Variants in LXN observed in about 807,000 individuals in gnomAD.
LXN encodes latexin.
A neutral mutation model predicts 29.8 loss-of-function variants in LXN; 28 were observed. That is an observed-to-expected ratio of 0.94 (90% confidence interval 0.70 to 1.29). The LOEUF (loss-of-function observed/expected upper bound fraction) is 1.29, where lower values mean the gene tolerates loss of function less well. LXN is among the 50% of genes most tolerant of loss of function. The pLI is 0.00. For synonymous variants in LXN, 77 were observed against 89.6 expected, an observed-to-expected ratio of 0.86 and a Z score of 0.80; for missense variants, 227 against 261.7, an observed-to-expected ratio of 0.87 and a Z score of 0.92.
rs34058260 is a variant in LXN at position 158,666,674 on chromosome 3, C to T, written c.641G>A (p.Arg214His). 5.5e-3 allele frequency: 8,931 copies of T among 1,613,828 alleles called. 47 individuals are homozygous for T. The highest frequency in any genetic ancestry group is 0.011 in the Middle Eastern group (66 of 6,058). The stretch of plus-strand genomic sequence containing the variant: ...TTCCAGTTGTACTTCCTTTGGCAGA[C>T]GGCTATTATGTTTTACTTTAGTGCC... ...QYGTKVKHNS[R>H]LPKEVQLE The change falls in exon 6 of 6, where the codon CGT (arginine) becomes CAT (histidine). Residue 214 changes from arginine to histidine, a missense_variant. Physicochemically the swap from Arg to His is conservative, Grantham distance 29. Coordinates refer to ENST00000264265, the MANE Select transcript of LXN (RefSeq NM_020169.4).
chr3:158,671,064 A>C lies in LXN; in HGVS notation c.130-45T>G, dbSNP rs756376870. On this transcript the variant is annotated intron_variant, in intron 1 of 5. Coordinates refer to ENST00000264265, the MANE Select transcript of LXN (RefSeq NM_020169.4). ...GTGGAGACAAGAAAATATTATAACA[A>C]CATTATACTTGCATTGTTAGAAGTA... The C allele has an allele frequency of 2.1e-6, 3 of 1,443,204 alleles. No homozygotes were observed. The South Asian group carries it at 4.6e-5, about 22-fold the overall frequency. 89.4% of individuals were successfully genotyped at this position (1,443,204 alleles called of 1,614,324 possible). A position where few individuals can be genotyped will look rare whatever the true frequency, so the allele number is the denominator to read the frequency against.
chr3:158,670,753 T>G (rs1724206353), intron 2 of LXN, among the ~76,000 whole-genome samples: 1 of 152,076 alleles, frequency 6.6e-6, no homozygotes, highest in Non-Finnish European at 1.5e-5. Context: ...TCCTAGCACT[T>G]TGGGAGGCAG....
chr3:158,671,990 A>G (rs1489705514), intron 1 of LXN, among the ~76,000 whole-genome samples: 1 of 152,220 alleles, frequency 6.6e-6, no homozygotes, highest in Non-Finnish European at 1.5e-5. Context: ...GGTCCAGATC[A>G]GAGTAGCAGA....
intron 1 of LXN, 36 bp downstream of exon 1, chr3:158,672,314 A>C (rs368247648): frequency 2.5e-6 from 4 of 1,610,276 alleles, no homozygotes; most frequent in Non-Finnish European, 3.4e-6. Context: ...CGCAATCCTG[A>C]AGCCTCTGCT....
intron 3 of LXN, 100 bp from the exon 4 acceptor site, chr3:158,669,232 G>C: frequency 1.5e-6 from 2 of 1,333,620 alleles, no homozygotes; most frequent in Non-Finnish European, 2.1e-6. Flanking sequence ...TTCGAATGTT[G>C]TGCAAAAAAT....
Position 158,670,952 on chromosome 3 carries a change from CT to C in LXN, c.192+4del. ...TGTCTCAAAGAAAAAAGAAATTTAA[CT>C]TACTTTTTGTATAATTTCTTCAACA... On this transcript the variant is annotated splice_donor_region_variant and intron_variant, in intron 2 of 5. Coordinates refer to ENST00000264265, the MANE Select transcript of LXN (RefSeq NM_020169.4). 6.6e-7 allele frequency: 1 copy of C among 1,508,206 alleles called. No homozygotes were observed. Among genetic ancestry groups the C allele is most frequent in the Non-Finnish European group, 8.8e-7 (1 of 1,132,942 alleles). The allele number at this position is 1,508,206 out of a possible 1,614,324, so 93.4% of individuals were successfully genotyped here.
chr3:158,670,624 A>T (rs1267791498), intron 2 of LXN, among the ~76,000 whole-genome samples: 2 of 152,236 alleles, frequency 1.3e-5, no homozygotes, highest in East Asian at 1.9e-4. Flanking sequence ...ACAACTTTTT[A>T]AAAAGAGGTA....
chr3:158,671,123 G>A, intron 1 of LXN, 104 bp from the exon 2 acceptor site: 1 of 1,299,446 alleles, frequency 7.7e-7, no homozygotes, highest in Non-Finnish European at 9.9e-7. Context: ...CTGGCTGAAG[G>A]GGAATGGTGA....
At chr3:158,668,933 G>T in intron 4 of LXN, 63 bp downstream of exon 4, 1 of 1,402,034 alleles carries the variant, frequency 7.1e-7, no homozygotes, top group Non-Finnish European at 9.8e-7. Flanking sequence ...ATCCAATTAT[G>T]AATTACAATA....
At chr3:158,668,929 TTA>T in intron 4 of LXN, 65 bp downstream of exon 4, 1 of 1,381,906 alleles carries the variant, frequency 7.2e-7, no homozygotes, top group Non-Finnish European at 1.0e-6. Context: ...GTTAATCCAA[TTA>T]TGAATTACAA....
At position 158,672,605 on chromosome 3, in the gene LXN, C is replaced by G; in HGVS notation, c.-127G>C. 8.6e-7 allele frequency: 1 copy of G among 1,162,276 alleles called. No individual in the cohort carries two copies. Among genetic ancestry groups the G allele is most frequent in the South Asian group, 1.4e-5 (1 of 71,180 alleles). 72.0% of individuals were successfully genotyped at this position (1,162,276 alleles called of 1,614,324 possible). A position where few individuals can be genotyped will look rare whatever the true frequency, so the allele number is the denominator to read the frequency against. On this transcript the variant is annotated 5_prime_UTR_variant, in exon 1 of 6. Transcript: ENST00000264265. ...CGGAAAAGTCGCAAGCTCCTTCAGT[C>G]AGTCTTCTTCCTCAGCTCCTTCCGA...
At position 158,672,613 on chromosome 3, in the gene LXN, T is replaced by C. The variant is rs1437999972; in HGVS notation, c.-135A>G. The C allele has an allele frequency of 4.0e-6, 4 of 1,012,044 alleles. No homozygotes were observed. Among genetic ancestry groups the C allele is most frequent in the Non-Finnish European group, 5.7e-6 (4 of 695,756 alleles). 62.7% of individuals were successfully genotyped at this position (1,012,044 alleles called of 1,614,324 possible). The stretch of plus-strand genomic sequence containing the variant: ...TCGCAAGCTCCTTCAGTCAGTCTTC[T>C]TCCTCAGCTCCTTCCGACTCCGGAA... On this transcript the variant is annotated 5_prime_UTR_variant, in exon 1 of 6. Coordinates refer to ENST00000264265, the MANE Select transcript of LXN (RefSeq NM_020169.4).
chr3:158,667,128 TTAC>T (rs1403611535), intron 4 of LXN, 54 bp from the exon 5 acceptor site: 1 of 1,476,292 alleles, frequency 6.8e-7, no homozygotes, highest in African/African-American at 1.4e-5. Context: ...TTGGCAAAAA[TTAC>T]ATTTAATTTT....
chr3:158,667,117 T>C (rs1247979914), intron 4 of LXN, 43 bp from the exon 5 acceptor site: 1 of 1,511,866 alleles, frequency 6.6e-7, no homozygotes, highest in Non-Finnish European at 8.9e-7. Flanking sequence ...ACTTAATATC[T>C]TTGGCAAAAA....
Position 158,667,066 on chromosome 3 carries a change from A to G in LXN, c.516T>C (p.Asn172=), listed in dbSNP as rs772232662. The change falls in exon 5 of 6, where the codon AAT becomes AAC. Residue 172 remains asparagine (N), a synonymous_variant. Transcript: ENST00000264265. The stretch of plus-strand genomic sequence containing the variant: ...TGTAGTCTAATTCAATAAAGTCATC[A>G]TTTCTTTGCTATGACAAAAAATAAA... ...KIQTVKQVQR[N]DDFIELDYTI... is the part of the protein sequence containing the mutation. The G allele has an allele frequency of 1.5e-5, 23 of 1,585,878 alleles. No individual in the cohort carries two copies. The highest frequency in any genetic ancestry group is 2.7e-5 in the African/African-American group (2 of 73,626).
chr3:158,668,952 A>G (rs1723987080), intron 4 of LXN, 44 bp downstream of exon 4: 1 of 1,478,350 alleles, frequency 6.8e-7, no homozygotes, highest in South Asian at 1.2e-5. Flanking sequence ...TACTTTCGAT[A>G]AATATTAACC....
Position 158,666,652 on chromosome 3 carries a change from CA to C in LXN, c.662del (p.Leu221ArgfsTer7), listed in dbSNP as rs1723718808. 2 of 1,612,702 alleles carry C rather than the reference CA, an allele frequency of 1.2e-6. No homozygotes were observed. The highest frequency in any genetic ancestry group is 1.7e-6 in the Non-Finnish European group (2 of 1,179,098). ...HNSRLPKEVQLE is the reference protein window; with the variant it reads ...HNSRLPKEVQXE The stretch of plus-strand genomic sequence containing the variant: ...CCAGTGTTAGGGTTTTTGTTTATTC[CA>C]GTTGTACTTCCTTTGGCAGACGGCT... On this transcript the variant is annotated frameshift_variant, in exon 6 of 6. Coordinates refer to ENST00000264265, the MANE Select transcript of LXN (RefSeq NM_020169.4). LOFTEE classifies it high-confidence loss of function.
intron 3 of LXN, 73 bp from the exon 4 acceptor site, chr3:158,669,205 A>G (rs1296397045): frequency 4.9e-5 from 71 of 1,439,980 alleles, no homozygotes; most frequent in Non-Finnish European, 6.5e-5. Context: ...TAAATTCTAA[A>G]TCATGTCTTA....
intron 1 of LXN, 100 bp from the exon 2 acceptor site, chr3:158,671,119 G>A (rs1399009256): frequency 1.5e-6 from 2 of 1,307,110 alleles, no homozygotes; most frequent in Non-Finnish European, 2.0e-6. Context: ...GGGGCTGGCT[G>A]AAGGGGAATG....
Sources: allele counts gnomAD v4.1 joint callset (sites outside exome capture counted in the v4.1 genomes callset), GRCh38; gene constraint gnomAD v4.1.1; transcripts MANE v1.5; gene names NCBI Gene and HGNC (gene_info 2026-07-23, HGNC 2026-07-21).